PDE1A: variants seen among roughly 807,000 people sequenced by gnomAD.
PDE1A encodes dual specificity calcium/calmodulin-dependent 3',5'-cyclic nucleotide phosphodiesterase 1A.
A neutral mutation model predicts 61.7 loss-of-function variants in PDE1A; 35 were observed. The ratio of observed to expected loss-of-function variants is 0.57; its 90% CI spans 0.43 to 0.75. PDE1A has a LOEUF of 0.75. Ranked by LOEUF, PDE1A falls within the 30% of genes least tolerant of loss-of-function variation. PDE1A has a pLI of 0.00. For missense variants in PDE1A, 597 were observed against 630.6 expected (o/e 0.95, Z 0.57); for synonymous variants, 232 against 213.2 (o/e 1.09, Z -0.77).
intron 11 of PDE1A, among the ~76,000 whole-genome samples, chr2:182,187,737 C>CTTTTTTT (rs1038970569): frequency 1.2e-3 from 80 of 66,376 alleles, no homozygotes; most frequent in Admixed American, 1.4e-3. Flanking sequence ...TTTTTTTGTT[C>CTTTTTTT]TTTTTTTTTT....
the PDE1A span, among the ~76,000 whole-genome samples, chr2:182,681,481 T>C: frequency 6.7e-6 from 1 of 150,272 alleles, no homozygotes; most frequent in Non-Finnish European, 1.5e-5. Context: ...CTGGAAATTC[T>C]TTCGTGGCTT....
intron 1 of PDE1A, among the ~76,000 whole-genome samples, chr2:182,292,144 G>A (rs1368754688): frequency 6.6e-6 from 1 of 152,032 alleles, no homozygotes; most frequent in Non-Finnish European, 1.5e-5. Flanking sequence ...GATATGCTTT[G>A]TGTGTATAAG....
chr2:182,149,626 C>T (rs1044307101), intron 13 of PDE1A, among the ~76,000 whole-genome samples: 1 of 152,074 alleles, frequency 6.6e-6, no homozygotes, highest in African/African-American at 2.4e-5. Flanking sequence ...GTTGTAGACG[C>T]CTTTACAATT....
upstream of PDE1A, chr2:182,522,788 G>A (rs778681083): frequency 6.6e-6 from 3 of 453,012 alleles, no homozygotes; most frequent in Non-Finnish European, 8.7e-6. Context: ...AATGACTTTC[G>A]CGCTCCAGAA....
chr2:182,606,477 C>T, the PDE1A span, among the ~76,000 whole-genome samples: 3 of 152,202 alleles, frequency 2.0e-5, no homozygotes, highest in Non-Finnish European at 4.4e-5. Context: ...CGTGCCCAGC[C>T]TCCTCAAGGT....
rs143408471 is a variant in PDE1A at position 182,447,118 on chromosome 2, T to TACACACACAC, written c.101+75148_101+75157dup. ...TTACTTTGAGAACTTTTTTTTCACT[T>TACACACACAC]ACACACACACACACACACACACAAA... On this transcript the variant is annotated intron_variant, in intron 2 of 14. Coordinates refer to the PDE1A transcript ENST00000410103. Among the ~76,000 whole-genome samples the TACACACACAC allele has an allele frequency of 1.3e-4, 19 of 149,402 alleles. No homozygotes were observed. The South Asian group carries it at 1.3e-3, about 10-fold the overall frequency.
chr2:182,689,939 A>G, the PDE1A span, among the ~76,000 whole-genome samples: 1 of 152,234 alleles, frequency 6.6e-6, no homozygotes, highest in Non-Finnish European at 1.5e-5. Flanking sequence ...GAAGAAATGG[A>G]TAAATTCCTT....
At chr2:182,519,305 T>C (rs1690411763) in intron 2 of PDE1A, among the ~76,000 whole-genome samples, 1 of 152,068 alleles carries the variant, frequency 6.6e-6, no homozygotes, top group Non-Finnish European at 1.5e-5. Context: ...ATCTAATTTA[T>C]GAAAGACCTG....
chr2:182,334,265 G>GACACAC (rs746376417), intron 1 of PDE1A, among the ~76,000 whole-genome samples: 1 of 149,058 alleles, frequency 6.7e-6, no homozygotes, highest in East Asian at 1.9e-4. Flanking sequence ...AACCCTGGAA[G>GACACAC]AGACACACAC....
chr2:182,306,536 G>A (rs1201404847), intron 1 of PDE1A, among the ~76,000 whole-genome samples: 1 of 151,728 alleles, frequency 6.6e-6, no homozygotes. Context: ...GAACAAATCT[G>A]AAGACACCAT....
chr2:182,532,466 G>A, the PDE1A span, among the ~76,000 whole-genome samples: 1 of 152,152 alleles, frequency 6.6e-6, no homozygotes, highest in Non-Finnish European at 1.5e-5. Context: ...TATATGAAAT[G>A]CAGAAAAGGC....
At chr2:182,418,050 A>G (rs1703033351) in intron 1 of PDE1A, among the ~76,000 whole-genome samples, 1 of 152,190 alleles carries the variant, frequency 6.6e-6, no homozygotes, top group Non-Finnish European at 1.5e-5. Context: ...AAGATAATAA[A>G]TTTAAGTCCC....
chr2:182,716,604 G>T, the PDE1A span: 98,830 of 152,376 alleles, frequency 0.65, 32,380 homozygotes, highest in Middle Eastern at 0.73. Context: ...TTAAGACCTG[G>T]ATATTGTGTT....
At chr2:182,198,569 A>ATT (rs2125456004) in intron 10 of PDE1A, among the ~76,000 whole-genome samples, 1 of 151,874 alleles carries the variant, frequency 6.6e-6, no homozygotes, top group East Asian at 1.9e-4. Flanking sequence ...TGTCAAATGC[A>ATT]TTTTGCATAT....
chr2:182,596,549 T>C, the PDE1A span, among the ~76,000 whole-genome samples: 1 of 152,240 alleles, frequency 6.6e-6, no homozygotes, highest in Non-Finnish European at 1.5e-5. Flanking sequence ...TTAAATACTT[T>C]TATATCTTTA....
rs528048120 is a variant in PDE1A at position 182,355,597 on chromosome 2, T to A, written c.53+70981A>T. ...TACAGCCAGAGTGTGCCATATCTCATCATACATCTGAATTTTACATGTATC... is the reference window on the plus strand; with the variant it reads ...TACAGCCAGAGTGTGCCATATCTCAACATACATCTGAATTTTACATGTATC... On this transcript the variant is annotated intron_variant, in intron 1 of 13. Coordinates refer to ENST00000351439, the Ensembl canonical transcript of PDE1A. Among the ~76,000 whole-genome samples the A allele has an allele frequency of 6.0e-4, 92 of 152,192 alleles. 1 individual carries two copies. The highest frequency in any genetic ancestry group is 2.1e-3 in the African/African-American group (88 of 41,562).
At chr2:182,327,537 G>C (rs1180607880) in intron 1 of PDE1A, among the ~76,000 whole-genome samples, 3 of 152,132 alleles carry the variant, frequency 2.0e-5, no homozygotes, top group Admixed American at 2.0e-4. Flanking sequence ...GAGATGGAGT[G>C]GCCAATGAGT....
At chr2:182,612,748 TG>T in the PDE1A span, among the ~76,000 whole-genome samples, 1 of 152,224 alleles carries the variant, frequency 6.6e-6, no homozygotes, top group East Asian at 1.9e-4. Context: ...AACTGTCAAC[TG>T]ACTTATACAA....
At chr2:182,342,019 T>G (rs1698218407) in intron 1 of PDE1A, among the ~76,000 whole-genome samples, 1 of 152,142 alleles carries the variant, frequency 6.6e-6, no homozygotes, top group Non-Finnish European at 1.5e-5. Context: ...CTCTCCCACT[T>G]CAGCTTCCCA....
Sources: gnomAD v4.1 joint callset for allele counts (sites outside exome capture counted in the v4.1 genomes callset) on GRCh38, gnomAD v4.1.1 for gene constraint, MANE v1.5 for transcripts, NCBI Gene and HGNC (gene_info 2026-07-23, HGNC 2026-07-21) for gene names.